Variants in FHIT observed in about 807,000 individuals in gnomAD.
FHIT encodes fragile histidine triad diadenosine triphosphatase.
FHIT carries 19 observed loss-of-function variants against 17.9 expected under a neutral mutation model. That is an observed-to-expected ratio of 1.06 (90% CI 0.74 to 1.56). The LOEUF is 1.56. Ranked by LOEUF, FHIT falls within the 40% of genes most tolerant of loss-of-function variation. FHIT has a pLI of 0.00. For missense variants in FHIT, 248 were observed against 189.2 expected (o/e 1.31, Z -1.82); for synonymous variants, 81 against 69.7 (o/e 1.16, Z -0.81).
At chr3:60,261,792 A>T (rs908457984) in intron 5 of FHIT, among the ~76,000 whole-genome samples, 1 of 151,910 alleles carries the variant, frequency 6.6e-6, no homozygotes, top group African/African-American at 2.4e-5. Flanking sequence ...AGCAGACTAT[A>T]CAGTAATTCT....
chr3:59,771,925 TAGA>T (rs762264224), intron 8 of FHIT, among the ~76,000 whole-genome samples: 5 of 152,226 alleles, frequency 3.3e-5, no homozygotes, highest in Non-Finnish European at 7.3e-5. Context: ...TTGAAATTTC[TAGA>T]AGGTTTGTAC....
intron 5 of FHIT, among the ~76,000 whole-genome samples, chr3:60,459,906 C>T (rs1048082676): frequency 7.9e-5 from 12 of 152,056 alleles, no homozygotes; most frequent in Non-Finnish European, 1.8e-4. Context: ...AATCTACTGC[C>T]ATATCAAACC....
chr3:60,762,648 A>G (rs1488232687), intron 4 of FHIT, among the ~76,000 whole-genome samples: 3 of 152,232 alleles, frequency 2.0e-5, no homozygotes. Context: ...TTGTTCAAAC[A>G]TATCTGGATG....
intron 3 of FHIT, among the ~76,000 whole-genome samples, chr3:60,830,193 TAC>T (rs2106811867): frequency 6.6e-6 from 1 of 152,286 alleles, no homozygotes; most frequent in Admixed American, 6.5e-5. Context: ...GTACATGAGA[TAC>T]ACATATTTTT....
intron 7 of FHIT, among the ~76,000 whole-genome samples, chr3:59,936,763 C>G (rs1014941354): frequency 6.6e-6 from 1 of 152,112 alleles, no homozygotes; most frequent in Non-Finnish European, 1.5e-5. Context: ...CCTCCAGAGA[C>G]AGTAACATAG....
At chr3:60,306,501 T>G (rs1708682019) in intron 5 of FHIT, among the ~76,000 whole-genome samples, 2 of 152,184 alleles carry the variant, frequency 1.3e-5, no homozygotes, top group African/African-American at 4.8e-5. Flanking sequence ...TTTGGGGCAT[T>G]CTGACACGAA....
chr3:60,875,156 T>C (rs1255661232), intron 3 of FHIT, among the ~76,000 whole-genome samples: 3 of 152,134 alleles, frequency 2.0e-5, no homozygotes, highest in Non-Finnish European at 4.4e-5. Flanking sequence ...GGCTTCTTTA[T>C]TCTTCCTCCC....
At chr3:60,999,929 C>T (rs1359757758) in intron 3 of FHIT, among the ~76,000 whole-genome samples, 3 of 152,244 alleles carry the variant, frequency 2.0e-5, no homozygotes, top group African/African-American at 4.8e-5. Context: ...TCTGTCTGTC[C>T]TCACACAGTG....
At chr3:60,970,395 C>G (rs1709956602) in intron 3 of FHIT, among the ~76,000 whole-genome samples, 1 of 151,942 alleles carries the variant, frequency 6.6e-6, no homozygotes, top group South Asian at 2.1e-4. Flanking sequence ...TTATAGTTGT[C>G]TTGTTTTAAT....
chr3:59,752,294 GA>G lies in FHIT; in HGVS notation c.375del (p.Pro126LeufsTer53). The G allele has an allele frequency of 6.2e-7, 1 of 1,612,800 alleles. No individual in the cohort carries two copies. The highest frequency in any genetic ancestry group is 8.5e-7 in the Non-Finnish European group (1 of 1,179,504). ...EELQKHDKED[F>X]PASWRSEEEM... Reference sequence around the variant, plus strand: ...TCCTCCTCTGATCTCCAAGAGGCAGGAAAGTCCTCCTTGTCATGTTTCTGGA... The same window carrying G: ...TCCTCCTCTGATCTCCAAGAGGCAGGAAGTCCTCCTTGTCATGTTTCTGGA... On this transcript the variant is annotated frameshift_variant, in exon 9 of 10. Coordinates refer to ENST00000492590, the MANE Select transcript of FHIT (RefSeq NM_002012.4). LOFTEE classifies it high-confidence loss of function.
chr3:60,333,721 G>T (rs1052580727), intron 5 of FHIT, among the ~76,000 whole-genome samples: 4 of 152,022 alleles, frequency 2.6e-5, no homozygotes, highest in Non-Finnish European at 5.9e-5. Flanking sequence ...AATAAACATA[G>T]AAATTGATTC....
intron 3 of FHIT, among the ~76,000 whole-genome samples, chr3:60,959,188 G>A (rs1465393470): frequency 6.6e-6 from 1 of 152,178 alleles, no homozygotes; most frequent in Non-Finnish European, 1.5e-5. Flanking sequence ...CTATCAGGCA[G>A]ACCTAGGTTG....
intron 5 of FHIT, among the ~76,000 whole-genome samples, chr3:60,439,478 C>T (rs141856987): frequency 0.019 from 2,889 of 152,164 alleles, 42 homozygotes; most frequent in Middle Eastern, 0.027. Flanking sequence ...CTACCCACCC[C>T]GGTTACCCAC....
At chr3:60,608,802 A>G (rs1474530181) in intron 4 of FHIT, among the ~76,000 whole-genome samples, 1 of 152,190 alleles carries the variant, frequency 6.6e-6, no homozygotes. Context: ...GTAAAGAGAG[A>G]GACCTAGTCA....
intron 5 of FHIT, among the ~76,000 whole-genome samples, chr3:60,037,466 T>TC (rs1170682659): frequency 2.0e-5 from 3 of 149,980 alleles, no homozygotes; most frequent in Non-Finnish European, 4.4e-5. Context: ...CACTGCAACC[T>TC]CCGCCTCCCA....
rs191032527 is a variant in FHIT at position 60,443,701 on chromosome 3, C to T, written c.103+93159G>A. ...AGTATTTTATTGAGGATTTTTGCAT[C>T]GATGTTCATCAGGGATACTGGTCTA... On this transcript the variant is annotated intron_variant, in intron 5 of 9. Coordinates refer to ENST00000492590, the MANE Select transcript of FHIT (RefSeq NM_002012.4). Among the ~76,000 whole-genome samples the T allele has an allele frequency of 9.2e-3, 1,398 of 152,110 alleles. 14 individuals carry two copies. The highest frequency in any genetic ancestry group is 0.028 in the East Asian group (145 of 5,170).
At chr3:61,231,384 C>T (rs2040096989) in intron 1 of FHIT, among the ~76,000 whole-genome samples, 1 of 151,854 alleles carries the variant, frequency 6.6e-6, no homozygotes, top group Non-Finnish European at 1.5e-5. Flanking sequence ...GTTCCAGCTA[C>T]TCGGGAGGCT....
In FHIT at chr3:60,133,627, G is replaced by A. The variant is rs944713441; in HGVS notation, c.104-119475C>T. ...GTCCTGAGAGTGTGGGGACCAGGGG[G>A]CAGAGTCACCTACATGGTCTGCTGT... On this transcript the variant is annotated intron_variant, in intron 5 of 9. Coordinates refer to ENST00000492590, the MANE Select transcript of FHIT (RefSeq NM_002012.4). 2.6e-5 allele frequency among the ~76,000 whole-genome samples: 4 copies of A among 152,072 alleles called. No individual in the cohort carries two copies. The East Asian group carries it at 5.8e-4, about 22-fold the overall frequency.
intron 5 of FHIT, among the ~76,000 whole-genome samples, chr3:60,064,725 G>C (rs73842019): frequency 0.024 from 3,697 of 152,236 alleles, 129 homozygotes; most frequent in African/African-American, 0.083. Context: ...AGAGTATTTA[G>C]GATCTGCCAA....
Sources: allele counts gnomAD v4.1 joint callset (sites outside exome capture counted in the v4.1 genomes callset), GRCh38; gene constraint gnomAD v4.1.1; transcripts MANE v1.5; gene names NCBI Gene and HGNC (gene_info 2026-07-23, HGNC 2026-07-21).